The following KLF8 variants were observed in gnomAD, a reference collection of about 807,000 sequenced individuals.
The protein encoded by KLF8 is Krueppel-like factor 8.
KLF8 carries 10 observed loss-of-function variants against 18.2 expected under a neutral mutation model. The ratio of observed to expected loss-of-function variants is 0.55; its 90% CI spans 0.34 to 0.93. KLF8 has a LOEUF of 0.93. KLF8 is among the 40% of genes least tolerant of loss of function. The probability of loss-of-function intolerance (pLI) is 0.02; values close to 1 mark genes in which losing one functional copy is unlikely to be tolerated. For missense variants in KLF8, 264 were observed against 277.9 expected (o/e 0.95, Z 0.36); for synonymous variants, 109 against 97.3 (o/e 1.12, Z -0.71).
chrX:56,027,543 A>G, the KLF8 span, among the ~76,000 whole-genome samples: 1 of 112,619 alleles, frequency 8.9e-6, no homozygotes, highest in Non-Finnish European at 1.9e-5. Flanking sequence ...ACTGAGTTCT[A>G]GAGCCCGAGT....
intron 3 of KLF8, chrX:56,266,671 TA>T (rs1227262606): frequency 1.3e-6 from 1 of 753,863 alleles, no homozygotes. Flanking sequence ...ATATCTGTTT[TA>T]GTTTGTAATC....
the KLF8 span, among the ~76,000 whole-genome samples, chrX:56,113,683 G>A: frequency 9.3e-6 from 1 of 107,912 alleles, no homozygotes; most frequent in Non-Finnish European, 1.9e-5. Flanking sequence ...TTTACAGATC[G>A]GTTTTGAATT....
chrX:56,237,811 G>C (rs2066496080), intron 1 of KLF8, among the ~76,000 whole-genome samples: 1 of 111,883 alleles, frequency 8.9e-6, no homozygotes, highest in African/African-American at 3.2e-5. Flanking sequence ...TCCATGATCA[G>C]GGTGCCAACA....
the KLF8 span, among the ~76,000 whole-genome samples, chrX:55,993,961 A>G: frequency 1.1e-4 from 11 of 98,240 alleles, no homozygotes; most frequent in Non-Finnish European, 1.2e-4. Context: ...CCCAGGCTGG[A>G]GTGCAGTGGT....
chrX:56,120,093 T>C, the KLF8 span, among the ~76,000 whole-genome samples: 3 of 111,161 alleles, frequency 2.7e-5, no homozygotes, highest in African/African-American at 6.5e-5. Flanking sequence ...CACAGTATGC[T>C]TGCAGTGCAA....
chrX:55,925,846 G>A, the KLF8 span, among the ~76,000 whole-genome samples: 1 of 112,224 alleles, frequency 8.9e-6, no homozygotes, highest in Non-Finnish European at 1.9e-5. Flanking sequence ...CAGGAAATAT[G>A]TCTGCCTTTT....
the KLF8 span, among the ~76,000 whole-genome samples, chrX:56,226,927 A>G: frequency 1.8e-5 from 2 of 112,536 alleles, no homozygotes; most frequent in Admixed American, 9.5e-5. Context: ...GACTACCACA[A>G]TGCAAGGCCA....
At chrX:56,264,562 T>G (rs985124762) in intron 2 of KLF8, among the ~76,000 whole-genome samples, 5 of 111,151 alleles carry the variant, frequency 4.5e-5, no homozygotes, top group Non-Finnish European at 9.4e-5. Flanking sequence ...TACAACTAAC[T>G]GTATTGCAAG....
chrX:56,051,889 A>G, the KLF8 span, among the ~76,000 whole-genome samples: 8 of 109,541 alleles, frequency 7.3e-5, no homozygotes, highest in African/African-American at 1.0e-4. Flanking sequence ...CATTCTCCCC[A>G]TCACTTTCAG....
chrX:55,909,589 C>A, the KLF8 span, among the ~76,000 whole-genome samples: 4 of 112,382 alleles, frequency 3.6e-5, no homozygotes, highest in Non-Finnish European at 5.6e-5. Context: ...GATATGGAGA[C>A]AAATGTTGAA....
chrX:56,255,937 A>G (rs5913918), intron 2 of KLF8, among the ~76,000 whole-genome samples: 59,636 of 110,260 alleles, frequency 0.54, 13,621 homozygotes, highest in Non-Finnish European at 0.72. Flanking sequence ...TCTATTTTTC[A>G]GAATAGTTTC....
chrX:56,213,720 C>T, the KLF8 span, among the ~76,000 whole-genome samples: 2 of 111,282 alleles, frequency 1.8e-5, no homozygotes, highest in East Asian at 5.6e-4. Context: ...GTGGGGGGTA[C>T]TTGTCACCCC....
At chrX:56,092,262 G>A in the KLF8 span, among the ~76,000 whole-genome samples, 36 of 111,558 alleles carry the variant, frequency 3.2e-4, no homozygotes, top group African/African-American at 1.0e-3. Flanking sequence ...CTTCCATTCT[G>A]TAGATTTTCT....
At chrX:56,152,501 G>A in the KLF8 span, among the ~76,000 whole-genome samples, 11 of 111,061 alleles carry the variant, frequency 9.9e-5, no homozygotes, top group African/African-American at 2.3e-4. Context: ...TCTTTACTGC[G>A]CAAAGACTTA....
At chrX:56,137,463 G>A in the KLF8 span, among the ~76,000 whole-genome samples, 1 of 106,090 alleles carries the variant, frequency 9.4e-6, no homozygotes, top group Non-Finnish European at 1.9e-5. Flanking sequence ...TAGGGACATG[G>A]ATGAAATTGG....
the KLF8 span, among the ~76,000 whole-genome samples, chrX:56,038,418 T>C: frequency 9.0e-6 from 1 of 111,692 alleles, no homozygotes; most frequent in East Asian, 2.8e-4. Flanking sequence ...TTCCCTGCCA[T>C]GTGTCCCTGT....
At chrX:56,177,809 C>A in the KLF8 span, among the ~76,000 whole-genome samples, 3 of 111,518 alleles carry the variant, frequency 2.7e-5, no homozygotes, top group Non-Finnish European at 5.7e-5. Flanking sequence ...TGGGGTCACC[C>A]CTCCCCCAGC....
the KLF8 span, among the ~76,000 whole-genome samples, chrX:56,085,999 G>A: frequency 9.0e-6 from 1 of 111,685 alleles, no homozygotes; most frequent in South Asian, 3.7e-4. Flanking sequence ...TCTAAACAAA[G>A]ACAACTAAGA....
chrX:56,209,380 G>T, the KLF8 span, among the ~76,000 whole-genome samples: 1 of 111,407 alleles, frequency 9.0e-6, no homozygotes, highest in Admixed American at 9.6e-5. Flanking sequence ...GTAGTCAAGA[G>T]ATCCATGGGT....
Sources: gnomAD v4.1 joint callset for allele counts (sites outside exome capture counted in the v4.1 genomes callset) on GRCh38, gnomAD v4.1.1 for gene constraint, MANE v1.5 for transcripts, NCBI Gene and HGNC (gene_info 2026-07-23, HGNC 2026-07-21) for gene names.